Variants in TCF7L1 observed in about 807,000 individuals in gnomAD.
TCF7L1 encodes the protein transcription factor 7-like 1.
Under a neutral mutation model 63.7 loss-of-function variants are expected in TCF7L1, and 18 were observed. That is an observed-to-expected ratio of 0.28 (90% CI 0.20 to 0.42). The LOEUF (loss-of-function observed/expected upper bound fraction) is 0.42, where lower values mean the gene tolerates loss of function less well. Ranked by LOEUF, TCF7L1 falls within the 10% of genes least tolerant of loss-of-function variation. TCF7L1 has a pLI of 1.00. For missense variants in TCF7L1, 654 were observed against 779.3 expected (o/e 0.84, Z 1.91); for synonymous variants, 355 against 340.9 (o/e 1.04, Z -0.46).
At chr2:85,140,064 A>G (rs768051497) in intron 3 of TCF7L1, among the ~76,000 whole-genome samples, 7 of 152,206 alleles carry the variant, frequency 4.6e-5, no homozygotes, top group Admixed American at 2.6e-4. Flanking sequence ...GGGAGGAAAT[A>G]GGATTCTTGT....
At chr2:85,235,310 G>A (rs1030023899) in intron 3 of TCF7L1, among the ~76,000 whole-genome samples, 6 of 151,816 alleles carry the variant, frequency 4.0e-5, no homozygotes, top group African/African-American at 1.5e-4. Context: ...ACTTGGATGT[G>A]AGTTTGGCTT....
intron 3 of TCF7L1, among the ~76,000 whole-genome samples, chr2:85,259,354 T>C (rs1474309210): frequency 2.0e-5 from 3 of 152,212 alleles, no homozygotes; most frequent in Admixed American, 1.3e-4. Flanking sequence ...TCATTTGTAT[T>C]ATCTTTGGGC....
chr2:85,180,047 G>A (rs7590882), intron 3 of TCF7L1, among the ~76,000 whole-genome samples: 1,752 of 152,080 alleles, frequency 0.012, 34 homozygotes, highest in African/African-American at 0.04. Flanking sequence ...TGCCCAGGAC[G>A]TGGCTTAGCC....
At chr2:85,200,341 C>T (rs1679245496) in intron 3 of TCF7L1, among the ~76,000 whole-genome samples, 1 of 152,124 alleles carries the variant, frequency 6.6e-6, no homozygotes, top group South Asian at 2.1e-4. Flanking sequence ...CTTTTGGCTC[C>T]ACAAAACTTA....
intron 3 of TCF7L1, among the ~76,000 whole-genome samples, chr2:85,148,437 T>G (rs990512450): frequency 2.0e-5 from 3 of 152,196 alleles, no homozygotes; most frequent in African/African-American, 7.2e-5. Context: ...TGCAGAGCAC[T>G]GAATCCCAGC....
At chr2:85,216,691 A>G (rs1169380762) in intron 3 of TCF7L1, among the ~76,000 whole-genome samples, 1 of 152,128 alleles carries the variant, frequency 6.6e-6, no homozygotes, top group Admixed American at 6.6e-5. Flanking sequence ...CCAGTTAGCA[A>G]TTACCGAACA....
chr2:85,272,787 C>T (rs1423510841), intron 3 of TCF7L1, among the ~76,000 whole-genome samples: 3 of 151,970 alleles, frequency 2.0e-5, no homozygotes, highest in African/African-American at 7.3e-5. Flanking sequence ...AGGGCAAGAC[C>T]CTATCAATCA....
At chr2:85,222,477 G>A (rs1679868013) in intron 3 of TCF7L1, among the ~76,000 whole-genome samples, 1 of 151,696 alleles carries the variant, frequency 6.6e-6, no homozygotes, top group African/African-American at 2.4e-5. Context: ...AGGCCAGCCT[G>A]GGCAACATGG....
intron 3 of TCF7L1, among the ~76,000 whole-genome samples, chr2:85,217,681 A>G (rs1422286282): frequency 1.3e-5 from 2 of 152,104 alleles, no homozygotes; most frequent in Non-Finnish European, 2.9e-5. Context: ...CCCTCCCCCA[A>G]TACCCTGTAT....
chr2:85,256,193 G>A (rs1296606251), intron 3 of TCF7L1, among the ~76,000 whole-genome samples: 1 of 152,192 alleles, frequency 6.6e-6, no homozygotes, highest in Non-Finnish European at 1.5e-5. Flanking sequence ...ATGTGCTTTG[G>A]GGCCGGTTGG....
intron 11 of TCF7L1, among the ~76,000 whole-genome samples, chr2:85,308,432 T>TCCCCCTCC (rs1558663466): frequency 1.3e-5 from 1 of 75,876 alleles, no homozygotes; most frequent in Non-Finnish European, 2.4e-5. Flanking sequence ...TCCCTCCTTT[T>TCCCCCTCC]CTCCCTCCCT....
At chr2:85,218,089 T>G (rs1297214391) in intron 3 of TCF7L1, among the ~76,000 whole-genome samples, 1 of 152,144 alleles carries the variant, frequency 6.6e-6, no homozygotes, top group Non-Finnish European at 1.5e-5. Context: ...ATTTATAGGG[T>G]GAAATTTTCC....
At chr2:85,299,190 G>C (rs1248657939) in intron 4 of TCF7L1, among the ~76,000 whole-genome samples, 1 of 151,950 alleles carries the variant, frequency 6.6e-6, no homozygotes, top group Non-Finnish European at 1.5e-5. Context: ...TGAGCAATCA[G>C]GATTTGCTAA....
chr2:85,293,364 A>G lies in TCF7L1; in HGVS notation c.526-9120A>G, dbSNP rs1681770670. On this transcript the variant is annotated intron_variant, in intron 4 of 11. Coordinates refer to ENST00000282111, the MANE Select transcript of TCF7L1 (RefSeq NM_031283.3). ...AAGATCTGGTCATTTAAAAGTGTGC[A>G]GGACCTCCCCCCACTCTTTCTGTCT... 2.0e-5 allele frequency among the ~76,000 whole-genome samples: 3 copies of G among 152,138 alleles called. No individual in the cohort carries two copies. The South Asian group carries it at 6.2e-4, about 31-fold the overall frequency.
Position 85,306,231 on chromosome 2 carries a change from G to A in TCF7L1, c.1015G>A (p.Glu339Lys). The A allele has an allele frequency of 6.2e-7, 1 of 1,614,176 alleles. No individual in the cohort carries two copies. Among genetic ancestry groups the A allele is most frequent in the Non-Finnish European group, 8.5e-7 (1 of 1,180,032 alleles). Residue 339 changes from glutamate to lysine, a missense_variant, in exon 9 of 12, where the codon GAG (glutamate) becomes AAG (lysine). Physicochemically the swap from Glu to Lys is moderately conservative, Grantham distance 56 (BLOSUM62 1). This residue lies in a region of TCF7L1 where 66 missense variants were observed against 120.5 expected (regional missense o/e 0.55). Transcript: ENST00000282111. The surrounding 1 kb of genome is among the most constrained non-coding windows in gnomAD (Gnocchi z 4.3). ...SVKSPVTVKKEEEKKPHVKKP... is the reference protein window; with the variant it reads ...SVKSPVTVKKKEEKKPHVKKP... The stretch of plus-strand genomic sequence containing the variant: ...GAAATCACCAGTCACCGTGAAAAAG[G>A]AGGAGGAAAAGAAGCCCCACGTGAA...
chr2:85,234,153 T>TTTTTTTTTTTTTC (rs1558641614), intron 3 of TCF7L1, among the ~76,000 whole-genome samples: 2 of 134,332 alleles, frequency 1.5e-5, no homozygotes, highest in East Asian at 2.0e-4. Context: ...TTTTTTTTTT[T>TTTTTTTTTTTTTC]CGAGATGGAG....
intron 3 of TCF7L1, among the ~76,000 whole-genome samples, chr2:85,151,088 G>T (rs1434639458): frequency 1.3e-5 from 2 of 152,122 alleles, no homozygotes; most frequent in Admixed American, 6.5e-5. Context: ...TATTTTCTCT[G>T]AAGCTTTTAT....
chr2:85,293,024 A>G (rs553099017), intron 4 of TCF7L1, among the ~76,000 whole-genome samples: 2 of 152,214 alleles, frequency 1.3e-5, no homozygotes, highest in Admixed American at 6.5e-5. Context: ...TCTTCTCCAC[A>G]TGGCTCTTAT....
intron 3 of TCF7L1, among the ~76,000 whole-genome samples, chr2:85,194,421 T>A (rs1253299582): frequency 1.3e-5 from 2 of 151,970 alleles, no homozygotes; most frequent in Non-Finnish European, 1.5e-5. Context: ...CCCAGCTACT[T>A]GGGAGGCTGA....
Sources: gnomAD v4.1 joint callset for allele counts (sites outside exome capture counted in the v4.1 genomes callset) on GRCh38, gnomAD v4.1.1 for gene constraint, gnomAD v4.1.1 regional missense constraint, Gnocchi (gnomAD v3.1) non-coding constraint, MANE v1.5 for transcripts, NCBI Gene and HGNC (gene_info 2026-07-23, HGNC 2026-07-21) for gene names.